Variants in NBPF19 observed in about 807,000 individuals in gnomAD.
NBPF19 encodes the protein NBPF family member NBPF19.
In NBPF19, 30 loss-of-function variants were observed where a neutral mutation model predicts 45.9. The observed-to-expected ratio is 0.65, with a 90% CI of 0.49 to 0.89. NBPF19 has a LOEUF of 0.89. Among genes scored for constraint, NBPF19 ranks in the 40% least tolerant of loss-of-function variants. The pLI, the probability that NBPF19 is intolerant of heterozygous loss-of-function variation, is 0.00. For synonymous variants in NBPF19, 183 were observed against 181.2 expected (o/e 1.01, Z -0.08); for missense variants, 495 against 471.8 (o/e 1.05, Z -0.46).
chr1:149,554,535 T>C lies in NBPF19; in HGVS notation c.11329T>C (p.Leu3777=), dbSNP rs1205308963. The part of the protein sequence containing the change: ...VLMEVEEPEV[L]QDSLDGCYST... Reference sequence around the variant, plus strand: ...GATGGAAGTGGAAGAGCCTGAAGTCTTACAGGACTCACTGGATGGATGTTA... The same window carrying C: ...GATGGAAGTGGAAGAGCCTGAAGTCCTACAGGACTCACTGGATGGATGTTA... Residue 3777 remains leucine, a synonymous_variant, in exon 94 of 94, where the codon TTA becomes CTA. Transcript: ENST00000651566. 1.5e-5 allele frequency: 24 copies of C among 1,608,186 alleles called. No individual in the cohort carries two copies. Among genetic ancestry groups the C allele is most frequent in the Non-Finnish European group, 2.0e-5 (23 of 1,176,760 alleles).
At chr1:149,553,998 C>T (rs1461644999) in intron 93 of NBPF19, 116 bp downstream of exon 93, 8 of 273,934 alleles carry the variant, frequency 2.9e-5, no homozygotes, top group South Asian at 2.4e-4. Context: ...ATTACTCCTA[C>T]TGTCATTGCT....
Position 149,555,130 on chromosome 1 carries a change from G to A in NBPF19, c.*392G>A, listed in dbSNP as rs1458719390. The stretch of plus-strand genomic sequence containing the variant: ...CCAAAGGTGTTACCCTGGTTTCAAT[G>A]AACCTAACCTCATTCTTTGTGTCTT... On this transcript the variant is annotated 3_prime_UTR_variant, in exon 94 of 94. Coordinates refer to ENST00000651566, the MANE Select transcript of NBPF19 (RefSeq NM_001351365.2). 5.5e-5 allele frequency: 15 copies of A among 272,420 alleles called. No individual in the cohort carries two copies. The highest frequency in any genetic ancestry group is 2.0e-4 in the African/African-American group (9 of 44,780). 16.9% of individuals were successfully genotyped at this position (272,420 alleles called of 1,614,324 possible).
At position 149,478,035 on chromosome 1, in the gene NBPF19, C is replaced by G. The variant is rs1408482360; in HGVS notation, c.266C>G (p.Ala89Gly). 85 of 1,564,352 alleles carry G rather than the reference C, an allele frequency of 5.4e-5. 3 individuals carry two copies. Among genetic ancestry groups the G allele is most frequent in the Non-Finnish European group, 7.2e-5 (82 of 1,143,266 alleles). The change falls in exon 3 of 94, where the codon GCT (alanine) becomes GGT (glycine). Residue 89 changes from alanine to glycine, a missense_variant. By Grantham distance (60) the Ala-to-Gly change is moderately conservative. This residue lies in a region of NBPF19 where 69 missense variants were observed against 87.8 expected (regional missense o/e 0.79). Transcript: ENST00000651566. ...AAGCTTGCAGAGCAGCTGAAGCAAGCTGAGGAGCTCAGGTGAGGGGACCCC... is the reference window on the plus strand; with the variant it reads ...AAGCTTGCAGAGCAGCTGAAGCAAGGTGAGGAGCTCAGGTGAGGGGACCCC... ...EEKLAEQLKQ[A>G]EELRQYKVLF...
intron 62 of NBPF19, 144 bp downstream of exon 62, chr1:149,529,490 T>C: frequency 8.1e-5 from 3 of 36,818 alleles, no homozygotes; most frequent in Non-Finnish European, 1.4e-4. Flanking sequence ...TGAATGAAAC[T>C]CTAGTTCTAC....
In NBPF19 at chr1:149,554,841, G is replaced by A. The variant is rs1268585896; in HGVS notation, c.*103G>A. ...GTTCCATTTGGAAGCCCAGACATAG[G>A]ATGGGTCAGTGGGCATGGCTCTTTT... On this transcript the variant is annotated 3_prime_UTR_variant, in exon 94 of 94. Coordinates refer to ENST00000651566, the MANE Select transcript of NBPF19 (RefSeq NM_001351365.2). 25 of 1,576,786 alleles carry A rather than the reference G, an allele frequency of 1.6e-5. 1 individual carries two copies. Among genetic ancestry groups the A allele is most frequent in the Non-Finnish European group, 2.0e-5 (23 of 1,155,210 alleles).
Position 149,554,632 on chromosome 1 carries a change from A to T in NBPF19, c.11426A>T (p.Glu3809Val). 3 of 1,608,346 alleles carry T rather than the reference A, an allele frequency of 1.9e-6. No homozygotes were observed. In the South Asian group the frequency reaches 3.3e-5, roughly 18 times the overall value. ...TACAGAAGTGTGTTTTACTCATTTG[A>T]GGAAGAGCATATCAGCTTCGCCCTT... ...QHYRSVFYSF[E>V]EEHISFALYL... The change falls in exon 94 of 94, where the codon GAG (glutamate) becomes GTG (valine). Residue 3809 changes from glutamate (E) to valine (V), a missense_variant. Physicochemically the swap from Glu to Val is moderately radical, Grantham distance 121. Transcript: ENST00000651566.
In NBPF19 at chr1:149,487,363, C is replaced by G. The variant is rs1229890558; in HGVS notation, c.1020C>G (p.Asp340Glu). The G allele has an allele frequency of 3.2e-6, 5 of 1,557,992 alleles. No homozygotes were observed. Among genetic ancestry groups the G allele is most frequent in the African/African-American group, 1.4e-5 (1 of 73,642 alleles). ...RHRWDQVKKE[D>E]QEATGPRLSR... ...GCTGGGATCAAGTGAAAAAGGAGGA[C>G]CAAGAGGCAACAGGTCCCAGGTGAG... The change falls in exon 9 of 94, where the codon GAC (aspartate) becomes GAG (glutamate). Residue 340 changes from aspartate to glutamate, a missense_variant. Asp to Glu is a conservative substitution (Grantham distance 45). Around this residue, in one of 8 missense-constraint regions of NBPF19, gnomAD observed 146 missense variants for 67.3 expected, o/e 2.17. Coordinates refer to ENST00000651566, the MANE Select transcript of NBPF19 (RefSeq NM_001351365.2).
In NBPF19 at chr1:149,515,043, A is replaced by G; in HGVS notation, c.5258A>G (p.Gln1753Arg). The G allele has an allele frequency of 3.0e-6, 2 of 664,566 alleles. 1 individual carries two copies. The highest frequency in any genetic ancestry group is 5.2e-6 in the Non-Finnish European group (2 of 381,642). The allele number at this position is 664,566 out of a possible 1,614,324, so 41.2% of individuals were successfully genotyped here. ...TGTCTTGAACAGCCTGACTCCTGCC[A>G]GCCCTATGGAAGTTCCTTTTATGCA... ...SSCLEQPDSC[Q>R]PYGSSFYALE... Residue 1753 changes from glutamine to arginine, a missense_variant, in exon 44 of 94, where the codon CAG becomes CGG. By Grantham distance (43) the Gln-to-Arg change is conservative. Coordinates refer to ENST00000651566, the MANE Select transcript of NBPF19 (RefSeq NM_001351365.2).
chr1:149,487,940 C>G, intron 9 of NBPF19, 73 bp from the exon 10 acceptor site: 2 of 719,616 alleles, frequency 2.8e-6, no homozygotes, highest in South Asian at 1.5e-5. Flanking sequence ...TTATGTTAGC[C>G]ATGAAATCTA....
At chr1:149,515,713 ATTC>A (rs2086438792) in intron 44 of NBPF19, 106 bp from the exon 45 acceptor site, 2 of 32,018 alleles carry the variant, frequency 6.2e-5, no homozygotes, top group Middle Eastern at 0.01. Context: ...ACAGTGTCCT[ATTC>A]TTATGCTGAG....
chr1:149,554,753 GCCGAGAGATGTCAT>G lies in NBPF19; in HGVS notation c.*16_*29del. On this transcript the variant is annotated 3_prime_UTR_variant, in exon 94 of 94. Transcript: ENST00000651566. Reference sequence around the variant, plus strand: ...TCCCACAATAGGCAGCCCTTACTAAGCCGAGAGATGTCATTCCTGCAGGCAGGACCTATAGGCAC... The same window carrying G: ...TCCCACAATAGGCAGCCCTTACTAAGTCCTGCAGGCAGGACCTATAGGCAC... 4 of 1,607,792 alleles carry G rather than the reference GCCGAGAGATGTCAT, an allele frequency of 2.5e-6. No individual in the cohort carries two copies. The highest frequency in any genetic ancestry group is 2.6e-6 in the Non-Finnish European group (3 of 1,176,344).
intron 7 of NBPF19, among the ~76,000 whole-genome samples, chr1:149,484,367 G>A (rs1358287445): frequency 3.9e-5 from 5 of 129,176 alleles, no homozygotes; most frequent in Non-Finnish European, 6.5e-5. Flanking sequence ...GGAGGGAGGA[G>A]GGGTAGCATT....
chr1:149,488,323 G>A (rs2085743497), intron 10 of NBPF19, 138 bp downstream of exon 10: 1 of 613,964 alleles, frequency 1.6e-6, no homozygotes, highest in Admixed American at 2.6e-5. Flanking sequence ...TAGGTTGAAT[G>A]AAACTCTAGT....
At position 149,521,178 on chromosome 1, in the gene NBPF19, A is replaced by T. The variant is rs1172711493; in HGVS notation, c.6165-141A>T. ...CTGGCCCTGTTCTATCCCAACATAA[A>T]GGCAATAATTTGTTACCTCATTAAT... On this transcript the variant is annotated intron_variant, in intron 51 of 93. Coordinates refer to ENST00000651566, the MANE Select transcript of NBPF19 (RefSeq NM_001351365.2). 4 of 342,712 alleles carry T rather than the reference A, an allele frequency of 1.2e-5. 1 individual carries two copies. In the African/African-American group the frequency reaches 1.7e-4, roughly 14 times the overall value. The allele number at this position is 342,712 out of a possible 1,614,324, so 21.2% of individuals were successfully genotyped here.
intron 3 of NBPF19, 95 bp downstream of exon 3, chr1:149,478,142 C>T (rs1192314054): frequency 1.3e-6 from 1 of 797,642 alleles, no homozygotes; most frequent in Non-Finnish European, 2.2e-6. Context: ...GAAGCTGGGC[C>T]AGGGGAAGGG....
In NBPF19 at chr1:149,556,074, C is replaced by T. The variant is rs1408003097; in HGVS notation, c.*1336C>T. 2.0e-5 allele frequency: 3 copies of T among 146,956 alleles called. No homozygotes were observed. Among genetic ancestry groups the T allele is most frequent in the Admixed American group, 6.9e-5 (1 of 14,520 alleles). The allele number at this position is 146,956 out of a possible 1,614,324, so 9.1% of individuals were successfully genotyped here. A position where few individuals can be genotyped will look rare whatever the true frequency, so the allele number is the denominator to read the frequency against. ...AAACATTTTATCATTTATTAATCCT[C>T]CCTGCCTGTGTCTATTATTATATTC... On this transcript the variant is annotated 3_prime_UTR_variant, in exon 94 of 94. Coordinates refer to ENST00000651566, the MANE Select transcript of NBPF19 (RefSeq NM_001351365.2).
chr1:149,479,340 A>T (rs1422144676), intron 4 of NBPF19, among the ~76,000 whole-genome samples: 1 of 147,664 alleles, frequency 6.8e-6, no homozygotes, highest in African/African-American at 2.5e-5. Flanking sequence ...GGCAGCATCT[A>T]TCTAGTTTTA....
rs1478189429 is a variant in NBPF19, at chr1:149,487,533, A to G, written c.1040+150A>G. 6 of 988,768 alleles carry G rather than the reference A, an allele frequency of 6.1e-6. No homozygotes were observed. In the African/African-American group the frequency reaches 6.4e-5, roughly 10 times the overall value. The allele number at this position is 988,768 out of a possible 1,614,324, so 61.2% of individuals were successfully genotyped here. ...TACATTGCTTTTTTGTTCTCATTAG[A>G]GTAAATGTTTAGGTTTCCATTTCTT... On this transcript the variant is annotated intron_variant, in intron 9 of 93. Transcript: ENST00000651566.
Position 149,480,403 on chromosome 1 carries a change from G to C in NBPF19, c.566+189G>C, listed in dbSNP as rs1408001360. Among the ~76,000 whole-genome samples, 9 of 148,548 alleles carry C rather than the reference G, an allele frequency of 6.1e-5. No homozygotes were observed. The South Asian group carries it at 1.9e-3, about 32-fold the overall frequency. Reference sequence around the variant, plus strand: ...TTTCTCTATGTGTGCTGAGTGTCATGTCTGCACCTTACAGGGATAGCTGAG... The same window carrying C: ...TTTCTCTATGTGTGCTGAGTGTCATCTCTGCACCTTACAGGGATAGCTGAG... On this transcript the variant is annotated intron_variant, in intron 5 of 93. Coordinates refer to ENST00000651566, the MANE Select transcript of NBPF19 (RefSeq NM_001351365.2).
Sources: gnomAD v4.1 joint callset for allele counts (sites outside exome capture counted in the v4.1 genomes callset) on GRCh38, gnomAD v4.1.1 for gene constraint, gnomAD v4.1.1 regional missense constraint, MANE v1.5 for transcripts, NCBI Gene and HGNC (gene_info 2026-07-23, HGNC 2026-07-21) for gene names.